Variants in HDAC4 observed in about 807,000 individuals in gnomAD.
HDAC4 encodes the protein histone deacetylase A.
Under a neutral mutation model 135.1 loss-of-function variants are expected in HDAC4, and 16 were observed. The ratio of observed to expected loss-of-function variants is 0.12; its 90% CI spans 0.08 to 0.18. The LOEUF is 0.18. Ranked by LOEUF, HDAC4 falls within the 10% of genes least tolerant of loss-of-function variation. The pLI is 1.00. For missense variants in HDAC4, 1,143 were observed against 1,511.8 expected (o/e 0.76, Z 4.05); for synonymous variants, 685 against 653.4 (o/e 1.05, Z -0.74).
intron 2 of HDAC4, among the ~76,000 whole-genome samples, chr2:239,276,482 G>C (rs2050372389): frequency 6.6e-6 from 1 of 152,228 alleles, no homozygotes; most frequent in African/African-American, 2.4e-5. Context: ...TCCCAACTAG[G>C]CCAGAGATTG....
chr2:239,275,343 AG>A (rs1193125757), intron 2 of HDAC4, among the ~76,000 whole-genome samples: 3 of 152,244 alleles, frequency 2.0e-5, no homozygotes, highest in Non-Finnish European at 4.4e-5. Context: ...TCAAGAGGCA[AG>A]CAAATGATTC....
At chr2:239,117,470 G>A (rs1487460506) in intron 12 of HDAC4, among the ~76,000 whole-genome samples, 2 of 151,586 alleles carry the variant, frequency 1.3e-5, no homozygotes, top group Non-Finnish European at 2.9e-5. Context: ...CAATGGAGCT[G>A]CCCCATCACA....
At chr2:239,140,916 T>C (rs1458943140) in intron 8 of HDAC4, 1 of 459,296 alleles carries the variant, frequency 2.2e-6, no homozygotes, top group Non-Finnish European at 4.5e-6. Context: ...ACTCTGCAAA[T>C]ATAGCCCCGA....
intron 18 of HDAC4, among the ~76,000 whole-genome samples, chr2:239,088,600 G>A (rs1397452157): frequency 6.6e-6 from 1 of 152,330 alleles, no homozygotes; most frequent in Non-Finnish European, 1.5e-5. Context: ...GAGGGTAGAC[G>A]GCGGGCAGGG....
At chr2:239,067,231 T>C (rs1187888768) in intron 23 of HDAC4, among the ~76,000 whole-genome samples, 1 of 152,164 alleles carries the variant, frequency 6.6e-6, no homozygotes, top group African/African-American at 2.4e-5. Context: ...TCCAAACATG[T>C]ATGTGTACAC....
chr2:239,215,076 A>G lies in HDAC4; in HGVS notation c.94+21517T>C, dbSNP rs539301123. Among the ~76,000 whole-genome samples the G allele has an allele frequency of 1.8e-4, 28 of 152,318 alleles. No homozygotes were observed. The South Asian group carries it at 5.8e-3, about 32-fold the overall frequency. ...CAGACATTCGAGCGGCAGAATCAAG[A>G]TGGTGTTGTGATCTATGATTTGACT... On this transcript the variant is annotated intron_variant, in intron 3 of 26. Coordinates refer to ENST00000543185, the MANE Select transcript of HDAC4 (RefSeq NM_001378414.1).
At chr2:239,233,657 A>T (rs1379040335) in intron 3 of HDAC4, among the ~76,000 whole-genome samples, 5 of 152,220 alleles carry the variant, frequency 3.3e-5, no homozygotes, top group African/African-American at 9.7e-5. Flanking sequence ...GACTAAGTGT[A>T]TTGAAAAAGA....
At chr2:239,252,917 C>T (rs544985209) in intron 2 of HDAC4, among the ~76,000 whole-genome samples, 11 of 152,376 alleles carry the variant, frequency 7.2e-5, no homozygotes, top group East Asian at 1.9e-4. Context: ...CCGCCAGGAA[C>T]GCACCACCTG....
chr2:239,342,675 C>A (rs776366997), intron 2 of HDAC4, among the ~76,000 whole-genome samples: 27 of 152,140 alleles, frequency 1.8e-4, no homozygotes, highest in Non-Finnish European at 3.5e-4. Flanking sequence ...GTCCTGAGTC[C>A]GTGTTGTAGC....
chr2:239,134,389 T>C lies in HDAC4; in HGVS notation c.1150A>G (p.Arg384Gly), dbSNP rs917879797. ...TGGGTGCCGGGGAAAAGGGAGAGCCTCTGCTGGAGGGCGGGAAGGGTGAGT... is the reference window on the plus strand; with the variant it reads ...TGGGTGCCGGGGAAAAGGGAGAGCCCCTGCTGGAGGGCGGGAAGGGTGAGT... ...ERLTLPALQQ[R>G]LSLFPGTHLT... Residue 384 changes from arginine to glycine, a missense_variant, in exon 11 of 27, where the codon AGG becomes GGG. By Grantham distance (125) the Arg-to-Gly change is moderately radical. Around this residue, in one of 9 missense-constraint regions of HDAC4, gnomAD observed 272 missense variants for 309.7 expected, o/e 0.88. Transcript: ENST00000543185. 97 of 1,613,654 alleles carry C rather than the reference T, an allele frequency of 6.0e-5. No homozygotes were observed. Among genetic ancestry groups the C allele is most frequent in the Non-Finnish European group, 7.8e-5 (92 of 1,179,946 alleles).
intron 11 of HDAC4, among the ~76,000 whole-genome samples, chr2:239,133,597 G>T (rs1315687276): frequency 6.6e-6 from 1 of 152,144 alleles, no homozygotes; most frequent in Non-Finnish European, 1.5e-5. Flanking sequence ...CTCCCAAGTA[G>T]CTGGGATTAC....
At chr2:239,301,478 T>A (rs2052265120) in intron 2 of HDAC4, among the ~76,000 whole-genome samples, 1 of 144,288 alleles carries the variant, frequency 6.9e-6, no homozygotes, top group Non-Finnish European at 1.5e-5. Context: ...TTTCTTTTTT[T>A]TTTTTTTTAT....
intron 5 of HDAC4, among the ~76,000 whole-genome samples, chr2:239,172,188 G>A (rs1426280801): frequency 4.6e-5 from 7 of 150,734 alleles, no homozygotes; most frequent in African/African-American, 1.5e-4. Flanking sequence ...ATTGGCAAAA[G>A]TATTAATTTA....
At chr2:239,401,022 G>C (rs1483553142), upstream of HDAC4, 1 of 152,690 alleles carries the variant, frequency 6.5e-6, no homozygotes. Flanking sequence ...GAGCCAGGCG[G>C]CGATAGGCCA....
chr2:239,253,439 G>A (rs965004321), intron 2 of HDAC4, among the ~76,000 whole-genome samples: 2 of 152,148 alleles, frequency 1.3e-5, no homozygotes, highest in African/African-American at 4.8e-5. Context: ...AAGAAAAGAG[G>A]AACTGGAAAA....
intron 3 of HDAC4, among the ~76,000 whole-genome samples, chr2:239,215,243 C>T (rs376085977): frequency 2.0e-5 from 3 of 152,090 alleles, no homozygotes; most frequent in Admixed American, 1.3e-4. Context: ...GTGGCCGGGG[C>T]GGGGGAAGGT....
chr2:239,319,220 A>G (rs1459845193), intron 2 of HDAC4, among the ~76,000 whole-genome samples: 1 of 152,270 alleles, frequency 6.6e-6, no homozygotes, highest in Non-Finnish European at 1.5e-5. Flanking sequence ...AGTAATATCC[A>G]CATATAGGAA....
At chr2:239,173,774 C>CTATTAATGATTAGGATATCTGAGTT (rs2043594162) in intron 5 of HDAC4, among the ~76,000 whole-genome samples, 1 of 152,206 alleles carries the variant, frequency 6.6e-6, no homozygotes, top group Non-Finnish European at 1.5e-5. Context: ...TCAAAACAAT[C>CTATTAATGATTAGGATATCTGAGTT]TATTAATGAT....
At chr2:239,282,501 A>C (rs2050845014) in intron 2 of HDAC4, among the ~76,000 whole-genome samples, 1 of 143,012 alleles carries the variant, frequency 7.0e-6, no homozygotes, top group South Asian at 2.2e-4. Flanking sequence ...TGAACATACC[A>C]CTCTACAATG....
Sources: allele counts gnomAD v4.1 joint callset (sites outside exome capture counted in the v4.1 genomes callset), GRCh38; gene constraint gnomAD v4.1.1; regional missense constraint gnomAD v4.1.1; transcripts MANE v1.5; gene names NCBI Gene and HGNC (gene_info 2026-07-23, HGNC 2026-07-21).